Variants in PDE4DIP observed in about 807,000 individuals in gnomAD.
PDE4DIP encodes the protein myomegalin.
In PDE4DIP, 59 loss-of-function variants were observed where a neutral mutation model predicts 221.4. That is an observed-to-expected ratio of 0.27 (90% CI 0.22 to 0.33). The LOEUF (loss-of-function observed/expected upper bound fraction) is 0.33. Among genes scored for constraint, PDE4DIP ranks in the 10% least tolerant of loss-of-function variants. PDE4DIP has a pLI of 1.00. For missense variants in PDE4DIP, 1,036 were observed against 2,154.2 expected (o/e 0.48, Z 10.28); for synonymous variants, 404 against 815.9 (o/e 0.50, Z 8.60).
intron 5 of PDE4DIP, among the ~76,000 whole-genome samples, chr1:148,956,589 C>T (rs1439097286): frequency 6.6e-6 from 1 of 151,976 alleles, no homozygotes; most frequent in African/African-American, 2.4e-5. Flanking sequence ...TATTGTCTGG[C>T]CCTGAACTAG....
chr1:148,935,309 A>G (rs1553474172), intron 4 of PDE4DIP, among the ~76,000 whole-genome samples: 1 of 147,788 alleles, frequency 6.8e-6, no homozygotes, highest in African/African-American at 2.5e-5. Context: ...ACAAACAGAG[A>G]ATATGCCTAG....
chr1:148,940,619 A>G (rs2762740), intron 5 of PDE4DIP, among the ~76,000 whole-genome samples: 1 of 152,166 alleles, frequency 6.6e-6, no homozygotes, highest in Admixed American at 6.6e-5. Flanking sequence ...GGGGATCAGC[A>G]TCTTTGCACA....
intron 32 of PDE4DIP, among the ~76,000 whole-genome samples, chr1:149,014,973 T>A: frequency 6.6e-6 from 1 of 151,550 alleles, no homozygotes; most frequent in East Asian, 1.9e-4. Flanking sequence ...ATTTCTCCCT[T>A]TGCCTTGTGT....
At chr1:148,979,944 T>C in intron 20 of PDE4DIP, 95 bp downstream of exon 23, 2 of 1,455,444 alleles carry the variant, frequency 1.4e-6, no homozygotes, top group African/African-American at 1.4e-5. Flanking sequence ...TAAGTGCAGA[T>C]GCTTATGATA....
intron 21 of PDE4DIP, among the ~76,000 whole-genome samples, chr1:148,987,050 A>G (rs587634515): frequency 2.0e-5 from 3 of 152,298 alleles, no homozygotes; most frequent in African/African-American, 7.2e-5. Context: ...CAGAATTTTA[A>G]TGGGATTTCA....
chr1:148,824,144 A>C lies in PDE4DIP; in HGVS notation c.233+15407A>C, dbSNP rs4078960. ...AGTACTCACAGTTTTGGAGGGTCAG[A>C]AATCTGGGAGCAGCTTAGCTGGTTA... On this transcript the variant is annotated intron_variant, in intron 1 of 45. Transcript: ENST00000524974. Among the ~76,000 whole-genome samples, 885 of 143,860 alleles carry C rather than the reference A, an allele frequency of 6.2e-3. 8 individuals carry two copies. Among genetic ancestry groups the C allele is most frequent in the South Asian group, 0.016 (74 of 4,524 alleles). 94.4% of individuals were successfully genotyped at this position (143,860 alleles called of 152,430 possible).
chr1:148,929,638 G>A (rs682536), intron 2 of PDE4DIP: 40,137 of 214,750 alleles, frequency 0.19, 4,122 homozygotes, highest in Non-Finnish European at 0.23. Flanking sequence ...GATAACATTT[G>A]GGGAAAATGG....
intron 1 of PDE4DIP, among the ~76,000 whole-genome samples, chr1:148,820,745 G>A (rs1441772711): frequency 6.8e-6 from 1 of 146,342 alleles, no homozygotes; most frequent in Non-Finnish European, 1.5e-5. Context: ...TGTCTTCTTT[G>A]CCATGGTTTA....
chr1:149,028,444 A>G (rs2152802921), intron 40 of PDE4DIP, 116 bp from the exon 44 acceptor site: 1 of 698,312 alleles, frequency 1.4e-6, no homozygotes, highest in Non-Finnish European at 2.4e-6. Flanking sequence ...TGGTTGTGTG[A>G]GGGCTTCACA....
chr1:148,947,619 CACT>C lies in PDE4DIP; in HGVS notation c.636+9758_636+9760del, dbSNP rs148274564. Among the ~76,000 whole-genome samples, 117 of 152,196 alleles carry C rather than the reference CACT, an allele frequency of 7.7e-4. No individual in the cohort carries two copies. The East Asian group carries it at 0.02, about 26-fold the overall frequency. ...TCAGCCCAGAAGTAGGTCTTAGAAA[CACT>C]ACAACCCAGTTGCCACACAGGGGGT... is the stretch of plus-strand genomic sequence containing the variant. On this transcript the variant is annotated intron_variant, in intron 5 of 43. Coordinates refer to ENST00000369354, the Ensembl canonical transcript of PDE4DIP.
At chr1:148,893,099 G>A (rs56259119) in intron 1 of PDE4DIP, among the ~76,000 whole-genome samples, 81 of 125,784 alleles carry the variant, frequency 6.4e-4, no homozygotes, top group East Asian at 3.6e-3. Context: ...GTGTGTGTGT[G>A]TGTATGTATT....
chr1:149,011,055 A>G (rs1261962596), intron 31 of PDE4DIP, among the ~76,000 whole-genome samples: 2 of 151,764 alleles, frequency 1.3e-5, no homozygotes, highest in Non-Finnish European at 2.9e-5. Flanking sequence ...GGTTCTGTTC[A>G]TAGTACGTTA....
intron 19 of PDE4DIP, 50 bp downstream of exon 22, chr1:148,978,465 T>TTA: frequency 7.6e-7 from 1 of 1,310,708 alleles, no homozygotes; most frequent in Non-Finnish European, 1.0e-6. Flanking sequence ...TTTTTTTGTA[T>TTA]TCTTTTTTTT....
intron 1 of PDE4DIP, among the ~76,000 whole-genome samples, chr1:148,919,258 G>A (rs1287634328): frequency 6.0e-5 from 9 of 151,138 alleles, no homozygotes; most frequent in Non-Finnish European, 1.3e-4. Context: ...AGTAATGCAG[G>A]TGGTATTATC....
At chr1:148,932,883 C>T (rs1233601566) in intron 4 of PDE4DIP, among the ~76,000 whole-genome samples, 1 of 152,080 alleles carries the variant, frequency 6.6e-6, no homozygotes, top group Non-Finnish European at 1.5e-5. Context: ...GAGATGGAGC[C>T]CTCATAAATG....
At chr1:149,001,881 C>T (rs781808144) in exon 24 of PDE4DIP, 4 of 1,613,914 alleles carry the variant, frequency 2.5e-6, no homozygotes, top group South Asian at 1.1e-5. Flanking sequence ...GTGCATCTGA[C>T]CAGCACCATT....
chr1:149,022,146 G>T (rs1392664697), intron 37 of PDE4DIP, among the ~76,000 whole-genome samples: 4 of 146,690 alleles, frequency 2.7e-5, no homozygotes, highest in Non-Finnish European at 4.5e-5. Flanking sequence ...GTAGGACAAA[G>T]GTTGCTAGAA....
At chr1:148,920,133 T>TTTTTA (rs2045218470) in intron 1 of PDE4DIP, among the ~76,000 whole-genome samples, 1 of 146,550 alleles carries the variant, frequency 6.8e-6, no homozygotes, top group African/African-American at 2.7e-5. Context: ...TTTTTTTGGT[T>TTTTTA]TTTATTTATT....
At chr1:148,830,613 C>T in intron 1 of PDE4DIP, among the ~76,000 whole-genome samples, 1 of 47,740 alleles carries the variant, frequency 2.1e-5, no homozygotes, top group Non-Finnish European at 3.8e-5. Context: ...GTGTGATGTT[C>T]CCCTTCCTGT....
Sources: gnomAD v4.1 joint callset for allele counts (sites outside exome capture counted in the v4.1 genomes callset) on GRCh38, gnomAD v4.1.1 for gene constraint, MANE v1.5 for transcripts, NCBI Gene and HGNC (gene_info 2026-07-23, HGNC 2026-07-21) for gene names.